Variants in IMMP2L observed in about 807,000 individuals in gnomAD.
IMMP2L encodes mitochondrial inner membrane protease subunit 2.
IMMP2L carries 18 observed loss-of-function variants against 19.3 expected under a neutral mutation model. The ratio of observed to expected loss-of-function variants is 0.93; its 90% CI spans 0.64 to 1.38. The LOEUF (loss-of-function observed/expected upper bound fraction) is 1.38. Ranked by LOEUF, IMMP2L falls within the 40% of genes most tolerant of loss-of-function variation. The pLI, the probability that IMMP2L is intolerant of heterozygous loss-of-function variation, is 0.00. For synonymous variants in IMMP2L, 76 were observed against 73.0 expected, an observed-to-expected ratio of 1.04 and a Z score of -0.21; for missense variants, 233 against 218.2, an observed-to-expected ratio of 1.07 and a Z score of -0.43.
chr7:111,269,089 A>ACT (rs1279284174), intron 3 of IMMP2L, among the ~76,000 whole-genome samples: 1 of 152,084 alleles, frequency 6.6e-6, no homozygotes, highest in Non-Finnish European at 1.5e-5. Context: ...TCTGCCTACA[A>ACT]CTGCCAGTGT....
intron 3 of IMMP2L, among the ~76,000 whole-genome samples, chr7:111,242,382 G>C (rs983463772): frequency 5.3e-5 from 8 of 152,048 alleles, no homozygotes; most frequent in African/African-American, 1.9e-4. Context: ...CAGTCATTTT[G>C]ATTCAACTAA....
At chr7:111,407,978 G>A (rs1185872785) in intron 3 of IMMP2L, among the ~76,000 whole-genome samples, 3 of 151,906 alleles carry the variant, frequency 2.0e-5, no homozygotes, top group East Asian at 1.9e-4. Context: ...ACAATCCTAC[G>A]AAGCAGGAAC....
chr7:111,476,050 G>A (rs948438188), intron 3 of IMMP2L, among the ~76,000 whole-genome samples: 2 of 152,048 alleles, frequency 1.3e-5, no homozygotes, highest in Admixed American at 6.6e-5. Context: ...ATTCCATTTT[G>A]ATCCCTAAAG....
At chr7:111,252,492 T>C (rs974154539) in intron 3 of IMMP2L, among the ~76,000 whole-genome samples, 1 of 152,056 alleles carries the variant, frequency 6.6e-6, no homozygotes, top group Non-Finnish European at 1.5e-5. Flanking sequence ...TGTCATATGA[T>C]TGGAGAAGAG....
chr7:111,112,083 G>A (rs904276190), intron 3 of IMMP2L, among the ~76,000 whole-genome samples: 3 of 151,158 alleles, frequency 2.0e-5, no homozygotes, highest in African/African-American at 4.9e-5. Flanking sequence ...GAGTAGCTGG[G>A]TTTACAGGCG....
chr7:110,815,314 GC>G (rs1802397483), intron 5 of IMMP2L, among the ~76,000 whole-genome samples: 1 of 152,086 alleles, frequency 6.6e-6, no homozygotes, highest in Non-Finnish European at 1.5e-5. Flanking sequence ...CAGGGATGAA[GC>G]CCACTTGATC....
chr7:111,285,496 G>A (rs1301871585), intron 3 of IMMP2L, among the ~76,000 whole-genome samples: 4 of 152,022 alleles, frequency 2.6e-5, no homozygotes, highest in Non-Finnish European at 5.9e-5. Context: ...CTAAATTTCA[G>A]AACACTAGCT....
intron 5 of IMMP2L, among the ~76,000 whole-genome samples, chr7:110,801,258 T>C (rs1476723141): frequency 6.6e-6 from 1 of 152,116 alleles, no homozygotes; most frequent in Non-Finnish European, 1.5e-5. Flanking sequence ...GCTGTAGTTG[T>C]CCCTTTAGAG....
chr7:111,152,053 G>T (rs1311923959), intron 3 of IMMP2L, among the ~76,000 whole-genome samples: 1 of 152,066 alleles, frequency 6.6e-6, no homozygotes, highest in African/African-American at 2.4e-5. Context: ...GATATTGATG[G>T]AAATACTTAC....
chr7:111,359,014 G>A (rs1193282213), intron 3 of IMMP2L, among the ~76,000 whole-genome samples: 1 of 152,056 alleles, frequency 6.6e-6, no homozygotes, highest in African/African-American at 2.4e-5. Flanking sequence ...CAAAAGCTAA[G>A]CTAGAAAGCT....
At chr7:110,797,975 T>C (rs887484735) in intron 5 of IMMP2L, among the ~76,000 whole-genome samples, 2 of 151,924 alleles carry the variant, frequency 1.3e-5, no homozygotes, top group Non-Finnish European at 2.9e-5. Context: ...CTATTCTGCC[T>C]GATAATAACA....
chr7:110,796,529 G>T (rs1367958166), intron 5 of IMMP2L, among the ~76,000 whole-genome samples: 2 of 151,830 alleles, frequency 1.3e-5, no homozygotes, highest in Non-Finnish European at 2.9e-5. Context: ...AATATTATTG[G>T]ACCAAGTTCT....
chr7:111,436,690 T>C (rs1837204910), intron 3 of IMMP2L, among the ~76,000 whole-genome samples: 2 of 151,978 alleles, frequency 1.3e-5, no homozygotes, highest in South Asian at 4.1e-4. Flanking sequence ...CATTAGGTCA[T>C]TAGACAAAAC....
At chr7:110,883,135 C>T (rs1809864648) in intron 5 of IMMP2L, among the ~76,000 whole-genome samples, 1 of 152,124 alleles carries the variant, frequency 6.6e-6, no homozygotes, top group South Asian at 2.1e-4. Flanking sequence ...TTTTAATATT[C>T]ATGTTTCATA....
chr7:111,242,512 G>A (rs1312582900), intron 3 of IMMP2L, among the ~76,000 whole-genome samples: 1 of 151,934 alleles, frequency 6.6e-6, no homozygotes, highest in Non-Finnish European at 1.5e-5. Context: ...TTTTTGGAGT[G>A]GGGAAAAAAA....
intron 3 of IMMP2L, among the ~76,000 whole-genome samples, chr7:111,214,331 CTTTTT>C (rs1169450523): frequency 3.6e-5 from 3 of 82,192 alleles, no homozygotes; most frequent in African/African-American, 1.6e-4. Context: ...AATTTTTCTT[CTTTTT>C]TTTTTTTTTT....
Position 111,278,881 on chromosome 7 carries a change from T to C in IMMP2L, c.239+208357A>G, listed in dbSNP as rs184249776. On this transcript the variant is annotated intron_variant, in intron 3 of 5. Transcript: ENST00000405709. ...TACCTCTAATCCAACTTTTAAGATATCTTGTTCTTAACAGAATTAGAAATA... is the reference window on the plus strand; with the variant it reads ...TACCTCTAATCCAACTTTTAAGATACCTTGTTCTTAACAGAATTAGAAATA... Among the ~76,000 whole-genome samples, 432 of 152,264 alleles carry C rather than the reference T, an allele frequency of 2.8e-3. 1 individual carries two copies. Among genetic ancestry groups the C allele is most frequent in the Middle Eastern group, 0.014 (4 of 294 alleles).
rs1012532343 is a variant in IMMP2L, at chr7:111,429,624, G to T, written c.239+57614C>A. On this transcript the variant is annotated intron_variant, in intron 3 of 5. Transcript: ENST00000405709. ...AGCATCCTTTCACAATAGCACAGAA[G>T]AATTAAGTAAACAATTTAAAGATTC... is the stretch of plus-strand genomic sequence containing the variant. 3.1e-4 allele frequency among the ~76,000 whole-genome samples: 47 copies of T among 151,744 alleles called. 2 individuals are homozygous for T. Among genetic ancestry groups the T allele is most frequent in the African/African-American group, 1.1e-3 (47 of 41,220 alleles).
intron 3 of IMMP2L, among the ~76,000 whole-genome samples, chr7:110,985,420 T>A (rs1372722163): frequency 6.6e-6 from 1 of 152,150 alleles, no homozygotes; most frequent in Non-Finnish European, 1.5e-5. Context: ...TCATGAGGAT[T>A]ATTGCTATGA....
Sources: gnomAD v4.1 joint callset for allele counts (sites outside exome capture counted in the v4.1 genomes callset) on GRCh38, gnomAD v4.1.1 for gene constraint, MANE v1.5 for transcripts, NCBI Gene and HGNC (gene_info 2026-07-23, HGNC 2026-07-21) for gene names.